ANKH: variants seen among roughly 807,000 people sequenced by gnomAD.
ANKH encodes ANKH inorganic pyrophosphate transport regulator.
A neutral mutation model predicts 49.0 loss-of-function variants in ANKH; 15 were observed. The ratio of observed to expected loss-of-function variants is 0.31; its 90% CI spans 0.20 to 0.47. ANKH has a LOEUF of 0.47. Among genes scored for constraint, ANKH ranks in the 20% least tolerant of loss-of-function variants. The pLI, the probability that ANKH is intolerant of heterozygous loss-of-function variation, is 1.00. For synonymous variants in ANKH, 273 were observed against 260.0 expected (o/e 1.05, Z -0.48); for missense variants, 429 against 652.0 (o/e 0.66, Z 3.72).
In ANKH at chr5:14,707,717, A is replaced by G. The variant is rs967642330; in HGVS notation, c.*3480T>C. On this transcript the variant is annotated 3_prime_UTR_variant, in exon 12 of 12. Coordinates refer to ENST00000284268, the MANE Select transcript of ANKH (RefSeq NM_054027.6). ...GAGTGAAGTATAAAGTGCTTTTACT[A>G]TTGTAAAGAAGCTTTATTTGGCCCC... 3.9e-5 allele frequency: 6 copies of G among 152,170 alleles called. No individual in the cohort carries two copies. Among genetic ancestry groups the G allele is most frequent in the African/African-American group, 1.4e-4 (6 of 41,438 alleles). The allele number at this position is 152,170 out of a possible 1,614,324, so 9.4% of individuals were successfully genotyped here. A position where few individuals can be genotyped will look rare whatever the true frequency, so the allele number is the denominator to read the frequency against.
chr5:14,739,299 C>A (rs1311893292), intron 8 of ANKH, among the ~76,000 whole-genome samples: 1 of 152,096 alleles, frequency 6.6e-6, no homozygotes, highest in Non-Finnish European at 1.5e-5. Context: ...TGCTTGTAAT[C>A]CCAGCTACTT....
intron 4 of ANKH, among the ~76,000 whole-genome samples, chr5:14,755,002 G>A (rs535083194): frequency 1.3e-5 from 2 of 151,190 alleles, no homozygotes; most frequent in Non-Finnish European, 2.9e-5. Flanking sequence ...CTTGAACCTG[G>A]GTAGTGGAGG....
intron 8 of ANKH, among the ~76,000 whole-genome samples, chr5:14,733,694 G>A (rs1738076264): frequency 6.6e-6 from 1 of 152,178 alleles, no homozygotes; most frequent in African/African-American, 2.4e-5. Flanking sequence ...GGGCTTTGCT[G>A]GGCTCCCTGC....
intron 1 of ANKH, among the ~76,000 whole-genome samples, chr5:14,867,156 A>G (rs1164160091): frequency 3.7e-5 from 3 of 81,824 alleles, no homozygotes; most frequent in Non-Finnish European, 6.1e-5. Flanking sequence ...ACTCAGTCTC[A>G]AAAAAAAAAA....
intron 1 of ANKH, among the ~76,000 whole-genome samples, chr5:14,801,160 A>T (rs940830770): frequency 6.6e-6 from 1 of 152,222 alleles, no homozygotes; most frequent in Non-Finnish European, 1.5e-5. Context: ...TTTGATGTAC[A>T]TATCTTGGAA....
At chr5:14,851,414 T>C (rs1485311608) in intron 1 of ANKH, among the ~76,000 whole-genome samples, 1 of 152,182 alleles carries the variant, frequency 6.6e-6, no homozygotes, top group Non-Finnish European at 1.5e-5. Flanking sequence ...GGATCTCATA[T>C]CCCCTGGGGA....
Position 14,711,125 on chromosome 5 carries a change from GGA to G in ANKH, c.*70_*71del. 1 of 1,263,596 alleles carries G rather than the reference GGA, an allele frequency of 7.9e-7. No homozygotes were observed. The highest frequency in any genetic ancestry group is 1.2e-6 in the Non-Finnish European group (1 of 861,152). 78.3% of individuals were successfully genotyped at this position (1,263,596 alleles called of 1,614,324 possible). A position where few individuals can be genotyped will look rare whatever the true frequency, so the allele number is the denominator to read the frequency against. On this transcript the variant is annotated 3_prime_UTR_variant, in exon 12 of 12. Transcript: ENST00000284268. The stretch of plus-strand genomic sequence containing the variant: ...AAAAAAAAGGGAACAAAATACGATG[GGA>G]GAGGGAAGAGATGATGCCGAAGTGT...
chr5:14,739,416 CAAAAAAGAA>C (rs1347551985), intron 8 of ANKH, among the ~76,000 whole-genome samples: 3 of 150,882 alleles, frequency 2.0e-5, no homozygotes, highest in Non-Finnish European at 3.0e-5. Flanking sequence ...GACTTTGTCT[CAAAAAAGAA>C]AAAAAAGAGA....
At position 14,760,475 on chromosome 5, in the gene ANKH, T is replaced by C. The variant is rs115507221; in HGVS notation, c.314-1877A>G. Among the ~76,000 whole-genome samples, 1,486 of 152,354 alleles carry C rather than the reference T, an allele frequency of 9.8e-3. 29 individuals carry two copies. The highest frequency in any genetic ancestry group is 0.034 in the African/African-American group (1,418 of 41,582). On this transcript the variant is annotated intron_variant, in intron 2 of 11. Coordinates refer to ENST00000284268, the MANE Select transcript of ANKH (RefSeq NM_054027.6). ...CCAGAATGAAGATGTTACTTAATCA[T>C]ACAGATGATCTACTTTGGGTGCCGA...
chr5:14,819,728 T>C (rs1302429385), intron 1 of ANKH, among the ~76,000 whole-genome samples: 3 of 152,218 alleles, frequency 2.0e-5, no homozygotes, highest in East Asian at 3.9e-4. Context: ...TAGCCAGGCA[T>C]GGTAGTGTGC....
chr5:14,862,371 G>T (rs1007140839), intron 1 of ANKH, among the ~76,000 whole-genome samples: 3 of 152,196 alleles, frequency 2.0e-5, no homozygotes, highest in Non-Finnish European at 2.9e-5. Context: ...AAGCTCATTT[G>T]TTCTCATAGC....
intron 1 of ANKH, among the ~76,000 whole-genome samples, chr5:14,845,364 A>AT (rs1465368473): frequency 9.9e-4 from 20 of 20,264 alleles, no homozygotes; most frequent in Non-Finnish European, 1.3e-3. Context: ...ATATATATAT[A>AT]TATTTTTTTT....
chr5:14,812,402 C>T (rs1740912846), intron 1 of ANKH, among the ~76,000 whole-genome samples: 3 of 152,156 alleles, frequency 2.0e-5, no homozygotes, highest in South Asian at 4.1e-4. Flanking sequence ...AACAGTCTCT[C>T]GTGAGGCTTC....
intron 6 of ANKH, among the ~76,000 whole-genome samples, chr5:14,746,687 C>A (rs1408997667): frequency 6.6e-6 from 1 of 152,200 alleles, no homozygotes; most frequent in African/African-American, 2.4e-5. Flanking sequence ...CTGTTACCAT[C>A]TTTGTTTAAA....
At chr5:14,779,185 T>A (rs951065155) in intron 1 of ANKH, among the ~76,000 whole-genome samples, 12 of 152,188 alleles carry the variant, frequency 7.9e-5, no homozygotes, top group Non-Finnish European at 1.5e-5. Flanking sequence ...AGGGTGAGTG[T>A]GGGGCCATCC....
intron 2 of ANKH, among the ~76,000 whole-genome samples, chr5:14,761,069 T>A (rs706289): frequency 4.6e-5 from 7 of 152,002 alleles, no homozygotes; most frequent in Non-Finnish European, 8.8e-5. Flanking sequence ...CAGGGAGAAC[T>A]CAGTGTGAAG....
At position 14,848,825 on chromosome 5, in the gene ANKH, A is replaced by G. The variant is rs550759253; in HGVS notation, c.96+22527T>C. 4.7e-4 allele frequency among the ~76,000 whole-genome samples: 72 copies of G among 152,372 alleles called. 1 individual carries two copies. The highest frequency in any genetic ancestry group is 1.2e-3 in the African/African-American group (49 of 41,594). ...TGTAATCCGTGAGGCCAAGAACCCC[A>G]GGTCAGAGAACAAAAGGCTTGCCAC... is the stretch of plus-strand genomic sequence containing the variant. On this transcript the variant is annotated intron_variant, in intron 1 of 11. Transcript: ENST00000284268.
rs543866010 is a variant in ANKH, at chr5:14,713,770, G to C, written c.1142-103C>G. On this transcript the variant is annotated intron_variant, in intron 9 of 11. Transcript: ENST00000284268. The surrounding 1 kb of genome is among the most constrained non-coding windows in gnomAD (Gnocchi z 4.4). ...ACATCCGAGAGCCAGGGGCTGCCTA[G>C]GACCCTGGCCTTGCTGTTGAGCCGC... 32 of 1,526,920 alleles carry C rather than the reference G, an allele frequency of 2.1e-5. No individual in the cohort carries two copies. The African/African-American group carries it at 3.4e-4, about 16-fold the overall frequency. The allele number at this position is 1,526,920 out of a possible 1,614,324, so 94.6% of individuals were successfully genotyped here. A position where few individuals can be genotyped will look rare whatever the true frequency, so the allele number is the denominator to read the frequency against.
rs1736899413 is a variant in ANKH at position 14,705,111 on chromosome 5, C to T, written c.*6086G>A. ...CTGTGCTTAAGCGATCCTCCTGCCTCAGCCTCCCAAGTAGCTGGGACTACA... is the reference window on the plus strand; with the variant it reads ...CTGTGCTTAAGCGATCCTCCTGCCTTAGCCTCCCAAGTAGCTGGGACTACA... On this transcript the variant is annotated 3_prime_UTR_variant, in exon 12 of 12. Transcript: ENST00000284268. 1 of 152,140 alleles carries T rather than the reference C, an allele frequency of 6.6e-6. No individual in the cohort carries two copies. The highest frequency in any genetic ancestry group is 1.5e-5 in the Non-Finnish European group (1 of 68,024). The allele number at this position is 152,140 out of a possible 1,614,324, so 9.4% of individuals were successfully genotyped here.
Sources: allele counts gnomAD v4.1 joint callset (sites outside exome capture counted in the v4.1 genomes callset), GRCh38; gene constraint gnomAD v4.1.1; non-coding constraint Gnocchi (gnomAD v3.1); transcripts MANE v1.5; gene names NCBI Gene and HGNC (gene_info 2026-07-23, HGNC 2026-07-21).